TNS3: variants seen among roughly 807,000 people sequenced by gnomAD.
TNS3 encodes the protein tensin-3.
In TNS3, 45 loss-of-function variants were observed where a neutral mutation model predicts 140.9. That is an observed-to-expected ratio of 0.32 (90% CI 0.25 to 0.41). TNS3 has a LOEUF of 0.41. Among genes scored for constraint, TNS3 ranks in the 10% least tolerant of loss-of-function variants. TNS3 has a pLI of 1.00. For synonymous variants in TNS3, 815 were observed against 788.4 expected (o/e 1.03, Z -0.56); for missense variants, 1,716 against 1,906.7 (o/e 0.90, Z 1.86).
At chr7:47,306,787 A>G (rs1455264350) in intron 20 of TNS3, among the ~76,000 whole-genome samples, 2 of 152,088 alleles carry the variant, frequency 1.3e-5, no homozygotes, top group African/African-American at 2.4e-5. Context: ...TCATGTTAGC[A>G]AGCATGGCTA....
intron 1 of TNS3, among the ~76,000 whole-genome samples, chr7:47,561,795 C>T (rs1800324165): frequency 6.6e-6 from 1 of 152,186 alleles, no homozygotes; most frequent in Admixed American, 6.5e-5. Context: ...GGAATAGAAC[C>T]TGAGGTGTTG....
intron 4 of TNS3, among the ~76,000 whole-genome samples, chr7:47,477,313 T>C (rs1345156566): frequency 6.6e-6 from 1 of 152,166 alleles, no homozygotes; most frequent in Non-Finnish European, 1.5e-5. Context: ...GAAGCTATTC[T>C]AGAACCTCTC....
intron 2 of TNS3, among the ~76,000 whole-genome samples, chr7:47,520,422 G>A (rs962138224): frequency 4.6e-5 from 7 of 152,202 alleles, no homozygotes; most frequent in Non-Finnish European, 8.8e-5. Flanking sequence ...ACTACTCAGT[G>A]AGTTTTAAAA....
chr7:47,362,657 ACAG>A (rs994800007), intron 17 of TNS3, among the ~76,000 whole-genome samples: 2 of 152,110 alleles, frequency 1.3e-5, no homozygotes, highest in African/African-American at 4.8e-5. Context: ...GGTACCTAAA[ACAG>A]TGTAGGCACT....
intron 20 of TNS3, among the ~76,000 whole-genome samples, chr7:47,342,627 T>C (rs2150982952): frequency 6.6e-6 from 1 of 152,360 alleles, no homozygotes; most frequent in Non-Finnish European, 1.5e-5. Flanking sequence ...AATCTGCCCA[T>C]GGCTGTGGAG....
chr7:47,469,973 C>CAAAAAAAAAAA lies in TNS3; in HGVS notation c.-76+11119_-76+11129dup, dbSNP rs144012426. 6.2e-5 allele frequency among the ~76,000 whole-genome samples: 4 copies of CAAAAAAAAAAA among 64,880 alleles called. 1 individual carries two copies. Among genetic ancestry groups the CAAAAAAAAAAA allele is most frequent in the African/African-American group, 2.5e-4 (3 of 12,214 alleles). 42.6% of individuals were successfully genotyped at this position (64,880 alleles called of 152,430 possible). On this transcript the variant is annotated intron_variant, in intron 4 of 30. Coordinates refer to ENST00000311160, the MANE Select transcript of TNS3 (RefSeq NM_022748.12). ...TGGGCAACAGAATGAAACTCTGTCT[C>CAAAAAAAAAAA]AAAAAAAAAAAAAAAAAAAAAAAAT... is the stretch of plus-strand genomic sequence containing the variant.
rs536869732 is a variant in TNS3 at position 47,316,405 on chromosome 7, T to C, written c.2651-11402A>G. On this transcript the variant is annotated intron_variant, in intron 20 of 30. Coordinates refer to ENST00000311160, the MANE Select transcript of TNS3 (RefSeq NM_022748.12). Reference sequence around the variant, plus strand: ...ACCCCTGGGGCCTTCAGGATCTTCATTTACAGACTCACTTCAATTGGGATC... The same window carrying C: ...ACCCCTGGGGCCTTCAGGATCTTCACTTACAGACTCACTTCAATTGGGATC... Among the ~76,000 whole-genome samples the C allele has an allele frequency of 1.6e-4, 25 of 152,252 alleles. No homozygotes were observed. In the South Asian group the frequency reaches 5.2e-3, roughly 32 times the overall value.
Position 47,368,969 on chromosome 7 carries a change from C to T in TNS3, c.1677G>A (p.Glu559=). ...TCAGCAGGGGCTGGGGCTGCTTGGG[C>T]TCTCGACTCCCAAAAGTCCGCTCCC... ...YERERTFGSR[E]PKQPQPLLRK... is the part of the protein sequence containing the mutation. Residue 559 remains glutamate (E), a synonymous_variant, in exon 17 of 31, where the codon GAG becomes GAA. Transcript: ENST00000311160. The T allele has an allele frequency of 6.2e-7, 1 of 1,613,804 alleles. No homozygotes were observed. Among genetic ancestry groups the T allele is most frequent in the South Asian group, 1.1e-5 (1 of 91,056 alleles).
intron 2 of TNS3, among the ~76,000 whole-genome samples, chr7:47,518,338 G>A (rs983822512): frequency 2.0e-5 from 3 of 151,988 alleles, no homozygotes; most frequent in Non-Finnish European, 2.9e-5. Flanking sequence ...GTCATAGGGC[G>A]GCCATCTCCA....
intron 16 of TNS3, among the ~76,000 whole-genome samples, chr7:47,380,768 G>A (rs3801084): frequency 0.25 from 37,327 of 151,398 alleles, 4,865 homozygotes; most frequent in African/African-American, 0.33. Context: ...ATGCACGCGC[G>A]CGCACACACA....
At chr7:47,290,276 A>G (rs1037714856) in intron 27 of TNS3, among the ~76,000 whole-genome samples, 31 of 152,382 alleles carry the variant, frequency 2.0e-4, no homozygotes, top group African/African-American at 7.5e-4. Context: ...ATTTGAAACT[A>G]TAAAATCTAG....
At chr7:47,299,812 T>C (rs1025677585) in intron 23 of TNS3, among the ~76,000 whole-genome samples, 1 of 152,224 alleles carries the variant, frequency 6.6e-6, no homozygotes, top group South Asian at 2.1e-4. Flanking sequence ...GTCCACACAC[T>C]GCACACAGCA....
intron 4 of TNS3, chr7:47,453,074 G>A (rs1359990617): frequency 3.0e-6 from 3 of 985,586 alleles, no homozygotes; most frequent in Non-Finnish European, 3.6e-6. Flanking sequence ...GGGCATAAAG[G>A]AGGCAGCTGG....
intron 9 of TNS3, among the ~76,000 whole-genome samples, chr7:47,426,075 G>A (rs1049838871): frequency 2.0e-5 from 3 of 152,100 alleles, no homozygotes; most frequent in Admixed American, 1.3e-4. Context: ...GAGGTCAGGA[G>A]TTCAAGACCA....
chr7:47,377,942 T>C (rs1791506073), intron 16 of TNS3, among the ~76,000 whole-genome samples: 1 of 152,180 alleles, frequency 6.6e-6, no homozygotes, highest in African/African-American at 2.4e-5. Flanking sequence ...GAGTGATTCA[T>C]GTGCACACCT....
chr7:47,358,105 C>G (rs548510740), intron 17 of TNS3, among the ~76,000 whole-genome samples: 1 of 152,212 alleles, frequency 6.6e-6, no homozygotes, highest in Non-Finnish European at 1.5e-5. Flanking sequence ...GGATCACCCC[C>G]CATCACGTGA....
chr7:47,457,212 G>A (rs1013635425), intron 4 of TNS3, among the ~76,000 whole-genome samples: 23 of 142,998 alleles, frequency 1.6e-4, no homozygotes, highest in African/African-American at 2.3e-4. Flanking sequence ...CAACCACCTC[G>A]ATGTATCCTC....
chr7:47,517,118 G>A (rs895681056), intron 2 of TNS3, among the ~76,000 whole-genome samples: 6 of 152,198 alleles, frequency 3.9e-5, no homozygotes, highest in Non-Finnish European at 7.3e-5. Context: ...TCAGCCTGGT[G>A]TACTTACACA....
Position 47,277,945 on chromosome 7 carries a change from T to A in TNS3, c.*131A>T, listed in dbSNP as rs1246109925. The A allele has an allele frequency of 4.9e-6, 5 of 1,028,628 alleles. No homozygotes were observed. The highest frequency in any genetic ancestry group is 7.5e-6 in the Non-Finnish European group (5 of 668,610). The allele number at this position is 1,028,628 out of a possible 1,614,324, so 63.7% of individuals were successfully genotyped here. A position where few individuals can be genotyped will look rare whatever the true frequency, so the allele number is the denominator to read the frequency against. On this transcript the variant is annotated 3_prime_UTR_variant, in exon 31 of 31. Coordinates refer to ENST00000311160, the MANE Select transcript of TNS3 (RefSeq NM_022748.12). ...TTCTTGTTTTTGCAGAGCTGGAAGATCCTCTTTCCCCTCATGGGCCTGGAA... is the reference window on the plus strand; with the variant it reads ...TTCTTGTTTTTGCAGAGCTGGAAGAACCTCTTTCCCCTCATGGGCCTGGAA...
Sources: gnomAD v4.1 joint callset for allele counts (sites outside exome capture counted in the v4.1 genomes callset) on GRCh38, gnomAD v4.1.1 for gene constraint, MANE v1.5 for transcripts, NCBI Gene and HGNC (gene_info 2026-07-23, HGNC 2026-07-21) for gene names.